KLHDC4: variants seen among roughly 807,000 people sequenced by gnomAD.
The protein encoded by KLHDC4 is kelch domain containing 4.
In KLHDC4, 90 loss-of-function variants were observed where a neutral mutation model predicts 62.4. The ratio of observed to expected loss-of-function variants is 1.44; its 90% CI spans 1.22 to 1.72. The LOEUF (loss-of-function observed/expected upper bound fraction) is 1.72. Ranked by LOEUF, KLHDC4 falls within the 40% of genes most tolerant of loss-of-function variation. The pLI, the probability that KLHDC4 is intolerant of heterozygous loss-of-function variation, is 0.00. For synonymous variants in KLHDC4, 386 were observed against 284.4 expected, an observed-to-expected ratio of 1.36 and a Z score of -3.59; for missense variants, 1,025 against 699.7, an observed-to-expected ratio of 1.47 and a Z score of -5.25.
intron 5 of KLHDC4, chr16:87,739,932 T>A (rs1405619537): frequency 6.6e-6 from 1 of 152,236 alleles, no homozygotes; most frequent in African/African-American, 2.4e-5. Flanking sequence ...GTGAACATGC[T>A]AAAGACCAAT....
chr16:87,722,290 T>C (rs192741790), intron 7 of KLHDC4, among the ~76,000 whole-genome samples: 269 of 152,206 alleles, frequency 1.8e-3, no homozygotes, highest in African/African-American at 5.7e-3. Context: ...TGGAGGGTGT[T>C]TAAAGTCCTC....
Position 87,708,051 on chromosome 16 carries a change from C to G in KLHDC4, c.*26G>C, listed in dbSNP as rs1320440850. The G allele has an allele frequency of 1.9e-6, 1 of 538,324 alleles. No homozygotes were observed. The highest frequency in any genetic ancestry group is 3.6e-6 in the Non-Finnish European group (1 of 280,510). 33.3% of individuals were successfully genotyped at this position (538,324 alleles called of 1,614,324 possible). A position where few individuals can be genotyped will look rare whatever the true frequency, so the allele number is the denominator to read the frequency against. ...TGGGCGGACGTGGGCACAGCACTTG[C>G]CAGGCGCCCCTGGCAGGGGCTCTTC... On this transcript the variant is annotated 3_prime_UTR_variant, in exon 12 of 12. Transcript: ENST00000270583.
At chr16:87,751,774 T>G (rs993113714) in intron 4 of KLHDC4, among the ~76,000 whole-genome samples, 31 of 151,802 alleles carry the variant, frequency 2.0e-4, no homozygotes, top group African/African-American at 7.0e-4. Flanking sequence ...AATAAAGCCA[T>G]TCTTAAAAAA....
In KLHDC4 at chr16:87,726,899, A is replaced by G. The variant is rs750726516; in HGVS notation, c.625T>C (p.Tyr209His). The stretch of plus-strand genomic sequence containing the variant: ...GTGAAGGTGTCCAGATTAAAGGCAT[A>G]CACGTCGTTGTAGTAGATGTAATCC... ...TRDYIYYNDV[Y>H]AFNLDTFTWS... Residue 209 changes from tyrosine to histidine, a missense_variant, in exon 7 of 12, where the codon TAT becomes CAT. Coordinates refer to ENST00000270583, the MANE Select transcript of KLHDC4 (RefSeq NM_017566.4). 4.3e-6 allele frequency: 7 copies of G among 1,613,914 alleles called. No homozygotes were observed. The Admixed American group carries it at 6.7e-5, about 15-fold the overall frequency.
chr16:87,754,714 A>T (rs2044582267), intron 4 of KLHDC4, among the ~76,000 whole-genome samples: 1 of 152,186 alleles, frequency 6.6e-6, no homozygotes, highest in African/African-American at 2.4e-5. Context: ...CCCTTCCCTG[A>T]CAGGAGAGCG....
Position 87,720,569 on chromosome 16 carries a change from A to C in KLHDC4, c.760-5996T>G, listed in dbSNP as rs924675596. 9.2e-5 allele frequency among the ~76,000 whole-genome samples: 14 copies of C among 152,274 alleles called. 1 individual carries two copies. Among genetic ancestry groups the C allele is most frequent in the Admixed American group, 8.5e-4 (13 of 15,300 alleles). On this transcript the variant is annotated intron_variant, in intron 7 of 11. Transcript: ENST00000270583. ...CGCGCCCCTGGGGAGACGCCGCACC[A>C]CATCAGTGCACAGGAGGCATCTCAC...
chr16:87,762,113 T>C, intron 1 of KLHDC4, 73 bp from the exon 2 acceptor site: 1 of 1,588,636 alleles, frequency 6.3e-7, no homozygotes, highest in Non-Finnish European at 8.6e-7. Context: ...CGCTCAGCTT[T>C]CCTCCAATCA....
At chr16:87,717,135 G>A (rs1024375490) in intron 7 of KLHDC4, among the ~76,000 whole-genome samples, 1 of 151,944 alleles carries the variant, frequency 6.6e-6, no homozygotes, top group Admixed American at 6.6e-5. Context: ...CAACGCTGAG[G>A]TGGGAGGACT....
intron 2 of KLHDC4, among the ~76,000 whole-genome samples, chr16:87,756,837 G>T (rs962851492): frequency 6.6e-6 from 1 of 151,722 alleles, no homozygotes. Flanking sequence ...TTTTGAGATG[G>T]AGTTTCCCTC....
intron 1 of KLHDC4, among the ~76,000 whole-genome samples, chr16:87,765,532 C>T (rs922680122): frequency 8.6e-5 from 13 of 152,028 alleles, no homozygotes; most frequent in Non-Finnish European, 1.9e-4. Context: ...GAAAAACGCC[C>T]GTGACACCAC....
chr16:87,721,156 C>T (rs930940132), intron 7 of KLHDC4, among the ~76,000 whole-genome samples: 1 of 152,224 alleles, frequency 6.6e-6, no homozygotes, highest in Non-Finnish European at 1.5e-5. Flanking sequence ...CATAGTGGCT[C>T]ATGCCTGTAA....
intron 6 of KLHDC4, among the ~76,000 whole-genome samples, chr16:87,727,649 G>A (rs2039610842): frequency 1.3e-5 from 2 of 152,306 alleles, no homozygotes; most frequent in South Asian, 2.1e-4. Flanking sequence ...GGGGAGACTC[G>A]GAGGCGCACC....
intron 2 of KLHDC4, among the ~76,000 whole-genome samples, chr16:87,759,597 T>C (rs540331884): frequency 3.5e-4 from 53 of 151,886 alleles, no homozygotes; most frequent in African/African-American, 1.2e-3. Flanking sequence ...AAATACAAAA[T>C]TAGCCGGGCG....
chr16:87,765,675 C>A, intron 1 of KLHDC4, 117 bp downstream of exon 1: 2 of 1,000,348 alleles, frequency 2.0e-6, no homozygotes, highest in South Asian at 3.4e-5. Context: ...GCCTCCAGCT[C>A]TCCCGCAGGG....
intron 6 of KLHDC4, among the ~76,000 whole-genome samples, chr16:87,727,713 G>C (rs2039622871): frequency 6.6e-6 from 1 of 152,216 alleles, no homozygotes; most frequent in Non-Finnish European, 1.5e-5. Context: ...GAAAGCGTAA[G>C]GGGCTGCTCT....
chr16:87,724,089 C>T (rs2038924551), intron 7 of KLHDC4, among the ~76,000 whole-genome samples: 1 of 152,176 alleles, frequency 6.6e-6, no homozygotes, highest in Admixed American at 6.5e-5. Context: ...CCGCCCGACT[C>T]AGCCTCCCAA....
At chr16:87,723,400 G>A (rs1195893030) in intron 7 of KLHDC4, among the ~76,000 whole-genome samples, 1 of 152,256 alleles carries the variant, frequency 6.6e-6, no homozygotes, top group Non-Finnish European at 1.5e-5. Flanking sequence ...AGCAGCTGCT[G>A]AGAATGACAC....
At chr16:87,727,028 G>C in intron 6 of KLHDC4, 104 bp from the exon 7 acceptor site, 1 of 1,271,778 alleles carries the variant, frequency 7.9e-7, no homozygotes, top group Non-Finnish European at 1.1e-6. Flanking sequence ...TACTGTTTGG[G>C]GAAAAACTCA....
At chr16:87,735,743 T>A (rs1330299980) in intron 5 of KLHDC4, among the ~76,000 whole-genome samples, 1 of 152,194 alleles carries the variant, frequency 6.6e-6, no homozygotes, top group Non-Finnish European at 1.5e-5. Flanking sequence ...AAAATCCACA[T>A]GTCCTCCTCA....
Sources: allele counts gnomAD v4.1 joint callset (sites outside exome capture counted in the v4.1 genomes callset), GRCh38; gene constraint gnomAD v4.1.1; transcripts MANE v1.5; gene names NCBI Gene and HGNC (gene_info 2026-07-23, HGNC 2026-07-21).